Variants in ARHGEF3 observed in about 807,000 individuals in gnomAD.
ARHGEF3 encodes Rho guanine nucleotide exchange factor 3.
ARHGEF3 carries 28 observed loss-of-function variants against 63.2 expected under a neutral mutation model. The ratio of observed to expected loss-of-function variants is 0.44; its 90% CI spans 0.33 to 0.61. The LOEUF (loss-of-function observed/expected upper bound fraction) is 0.61. Among genes scored for constraint, ARHGEF3 ranks in the 20% least tolerant of loss-of-function variants. The probability of loss-of-function intolerance (pLI) is 0.03; values close to 1 mark genes in which losing one functional copy is unlikely to be tolerated. For synonymous variants in ARHGEF3, 266 were observed against 254.2 expected (o/e 1.05, Z -0.44); for missense variants, 533 against 659.3 (o/e 0.81, Z 2.10).
intron 1 of ARHGEF3, chr3:57,073,582 G>C: frequency 2.8e-6 from 4 of 1,452,600 alleles, no homozygotes; most frequent in Middle Eastern, 2.5e-4. Context: ...AGGTGAATTG[G>C]AACAGTGCAC....
intron 2 of ARHGEF3, among the ~76,000 whole-genome samples, chr3:56,765,568 T>C (rs553859540): frequency 1.2e-4 from 19 of 152,280 alleles, no homozygotes; most frequent in African/African-American, 4.1e-4. Context: ...TCAGCACATA[T>C]GCTTGGGTAA....
chr3:56,746,362 G>A (rs1333906076), intron 6 of ARHGEF3, among the ~76,000 whole-genome samples: 1 of 152,192 alleles, frequency 6.6e-6, no homozygotes, highest in Non-Finnish European at 1.5e-5. Flanking sequence ...TCTGTGTTCT[G>A]AATGAACAAA....
At chr3:56,733,317 C>G (rs778782655) in intron 8 of ARHGEF3, among the ~76,000 whole-genome samples, 1 of 24,874 alleles carries the variant, frequency 4.0e-5, no homozygotes, top group Non-Finnish European at 7.1e-5. Context: ...ACTAGCCAGG[C>G]GAGGTGGGCG....
In ARHGEF3 at chr3:56,965,095, A is replaced by T. The variant is rs567451136; in HGVS notation, c.63-6206T>A. On this transcript the variant is annotated intron_variant, in intron 2 of 12. Coordinates refer to the ARHGEF3 transcript ENST00000338458. ...TAGCAAAACCAACTCTACAAAAAAA[A>T]TTTTTTTTAATTAACCAGGCATGGT... Among the ~76,000 whole-genome samples the T allele has an allele frequency of 8.5e-5, 13 of 152,120 alleles. No homozygotes were observed. In the East Asian group the frequency reaches 1.3e-3, roughly 16 times the overall value.
chr3:56,747,357 G>A (rs189303526), intron 6 of ARHGEF3, among the ~76,000 whole-genome samples: 1 of 152,138 alleles, frequency 6.6e-6, no homozygotes, highest in Non-Finnish European at 1.5e-5. Flanking sequence ...AACCAAATGG[G>A]GCTCTGGTCC....
rs141036808 is a variant in ARHGEF3 at position 56,866,125 on chromosome 3, A to G, written c.192+16167T>C. On this transcript the variant is annotated intron_variant, in intron 4 of 12. Coordinates refer to the ARHGEF3 transcript ENST00000338458. ...GGCTGAGGTGAGCTGTGATCATGCC[A>G]TTGTACTCCAGCCTGTGTGGCAGAG... 9.9e-3 allele frequency among the ~76,000 whole-genome samples: 1,503 copies of G among 152,214 alleles called. 24 individuals carry two copies. The highest frequency in any genetic ancestry group is 0.034 in the African/African-American group (1,427 of 41,526).
intron 2 of ARHGEF3, among the ~76,000 whole-genome samples, chr3:56,977,559 C>A (rs577832572): frequency 6.6e-6 from 1 of 152,150 alleles, no homozygotes; most frequent in Non-Finnish European, 1.5e-5. Context: ...TAATGGGAAC[C>A]GATGGGAGGT....
intron 4 of ARHGEF3, among the ~76,000 whole-genome samples, chr3:56,855,854 T>A (rs2039857551): frequency 6.6e-6 from 1 of 152,134 alleles, no homozygotes; most frequent in South Asian, 2.1e-4. Flanking sequence ...GATGACACAG[T>A]TACCGTCAGA....
intron 4 of ARHGEF3, among the ~76,000 whole-genome samples, chr3:56,852,913 T>A (rs779085806): frequency 5.3e-5 from 8 of 152,306 alleles, no homozygotes; most frequent in Non-Finnish European, 8.8e-5. Flanking sequence ...TCGATGGATG[T>A]ATAGACCATG....
chr3:56,918,203 C>G (rs374962382), intron 3 of ARHGEF3, among the ~76,000 whole-genome samples: 1 of 152,234 alleles, frequency 6.6e-6, no homozygotes, highest in East Asian at 1.9e-4. Context: ...AAGACAGTGC[C>G]CTGGGAAATG....
intron 4 of ARHGEF3, among the ~76,000 whole-genome samples, chr3:56,808,962 G>C (rs1242139862): frequency 6.6e-6 from 1 of 152,206 alleles, no homozygotes; most frequent in Non-Finnish European, 1.5e-5. Flanking sequence ...GGTAAAGAGA[G>C]AGTGGTCCTG....
At chr3:56,763,178 T>A (rs188102052) in intron 2 of ARHGEF3, among the ~76,000 whole-genome samples, 1 of 152,214 alleles carries the variant, frequency 6.6e-6, no homozygotes, top group East Asian at 1.9e-4. Context: ...AAAAGGTGCA[T>A]AATAATAAGT....
At chr3:57,016,925 G>A (rs141956015) in intron 2 of ARHGEF3, among the ~76,000 whole-genome samples, 3 of 152,082 alleles carry the variant, frequency 2.0e-5, no homozygotes, top group African/African-American at 7.2e-5. Flanking sequence ...AAGTCACTGT[G>A]TCACTGTCTG....
intron 3 of ARHGEF3, among the ~76,000 whole-genome samples, chr3:56,898,020 C>T (rs1412916064): frequency 6.6e-6 from 1 of 152,010 alleles, no homozygotes; most frequent in Non-Finnish European, 1.5e-5. Context: ...GCTGGGACTA[C>T]AGGTGCACAC....
intron 1 of ARHGEF3, among the ~76,000 whole-genome samples, chr3:57,068,168 T>TACAC (rs55876198): frequency 0.29 from 42,913 of 148,888 alleles, 6,558 homozygotes; most frequent in East Asian, 0.48. Flanking sequence ...CACACACACA[T>TACAC]ACACACACAC....
chr3:56,833,914 G>T (rs9832271), intron 4 of ARHGEF3, among the ~76,000 whole-genome samples: 35 of 125,130 alleles, frequency 2.8e-4, no homozygotes, highest in African/African-American at 8.0e-4. Context: ...AATATTCTTT[G>T]TTTTCCCCCC....
chr3:56,853,977 C>T (rs1157909226), intron 4 of ARHGEF3, among the ~76,000 whole-genome samples: 12 of 152,090 alleles, frequency 7.9e-5, no homozygotes, highest in African/African-American at 2.4e-4. Flanking sequence ...GGGTGGATCA[C>T]GAGGTCAGGA....
At chr3:56,909,796 T>C (rs2041807404) in intron 3 of ARHGEF3, among the ~76,000 whole-genome samples, 2 of 152,190 alleles carry the variant, frequency 1.3e-5, no homozygotes, top group African/African-American at 4.8e-5. Context: ...TCAGTAAATG[T>C]GGGTTCAGTA....
At chr3:56,931,585 A>G (rs2042413207) in intron 3 of ARHGEF3, among the ~76,000 whole-genome samples, 1 of 150,174 alleles carries the variant, frequency 6.7e-6, no homozygotes, top group Non-Finnish European at 1.5e-5. Context: ...CAAAAAAAAA[A>G]AAAAAAAAAA....
Sources: allele counts gnomAD v4.1 joint callset (sites outside exome capture counted in the v4.1 genomes callset), GRCh38; gene constraint gnomAD v4.1.1; transcripts MANE v1.5; gene names NCBI Gene and HGNC (gene_info 2026-07-23, HGNC 2026-07-21).